ATRNL1: variants seen among roughly 807,000 people sequenced by gnomAD.
ATRNL1 encodes attractin-like protein 1.
Under a neutral mutation model 182.7 loss-of-function variants are expected in ATRNL1, and 95 were observed. The observed-to-expected ratio is 0.52, with a 90% CI of 0.44 to 0.62. The LOEUF (loss-of-function observed/expected upper bound fraction) is 0.62, where lower values mean the gene tolerates loss of function less well. Ranked by LOEUF, ATRNL1 falls within the 20% of genes least tolerant of loss-of-function variation. The pLI is 0.00. For synonymous variants in ATRNL1, 576 were observed against 568.3 expected (o/e 1.01, Z -0.19); for missense variants, 1,471 against 1,679.5 (o/e 0.88, Z 2.17).
chr10:115,573,276 G>A (rs572435238), intron 26 of ATRNL1, among the ~76,000 whole-genome samples: 81 of 152,160 alleles, frequency 5.3e-4, no homozygotes, highest in African/African-American at 1.9e-3. Context: ...CCTAGTGGCC[G>A]GACTCTTTCC....
intron 20 of ATRNL1, among the ~76,000 whole-genome samples, chr10:115,416,389 T>C (rs1296919669): frequency 2.0e-5 from 3 of 152,150 alleles, no homozygotes; most frequent in African/African-American, 7.2e-5. Context: ...TTTTAATACA[T>C]TCAAAATTAT....
intron 13 of ATRNL1, among the ~76,000 whole-genome samples, chr10:115,273,948 G>C (rs1275397560): frequency 6.6e-6 from 1 of 152,178 alleles, no homozygotes; most frequent in Non-Finnish European, 1.5e-5. Context: ...ATAACACCCA[G>C]TTCATGATGG....
intron 1 of ATRNL1, among the ~76,000 whole-genome samples, chr10:115,112,428 A>G (rs1844297474): frequency 6.6e-6 from 1 of 152,206 alleles, no homozygotes; most frequent in Non-Finnish European, 1.5e-5. Flanking sequence ...CGTGGATTTC[A>G]AATTTTTTTT....
chr10:115,504,817 C>T (rs146269848), intron 24 of ATRNL1, among the ~76,000 whole-genome samples: 1 of 151,862 alleles, frequency 6.6e-6, no homozygotes, highest in Admixed American at 6.6e-5. Context: ...AATTAGAGAT[C>T]TTTTATATAT....
chr10:115,430,770 A>C (rs1846121722), intron 21 of ATRNL1, among the ~76,000 whole-genome samples: 1 of 152,152 alleles, frequency 6.6e-6, no homozygotes, highest in African/African-American at 2.4e-5. Flanking sequence ...CACATTTGAT[A>C]GGGTATGGAG....
chr10:115,778,732 A>G (rs1949190814), intron 27 of ATRNL1, among the ~76,000 whole-genome samples: 1 of 152,178 alleles, frequency 6.6e-6, no homozygotes, highest in Admixed American at 6.5e-5. Flanking sequence ...TTATGACCTG[A>G]GGAATGAAAA....
chr10:115,410,176 T>C (rs1172226628), intron 20 of ATRNL1, among the ~76,000 whole-genome samples: 9 of 152,108 alleles, frequency 5.9e-5, no homozygotes, highest in African/African-American at 1.9e-4. Context: ...TATTAGCCTA[T>C]AGTTTTCTTT....
intron 15 of ATRNL1, 77 bp from the exon 16 acceptor site, chr10:115,299,957 G>C (rs1853392667): frequency 6.9e-6 from 7 of 1,019,830 alleles, no homozygotes; most frequent in African/African-American, 1.6e-5. Flanking sequence ...TTTAATGATA[G>C]TGAACTATTT....
intron 26 of ATRNL1, among the ~76,000 whole-genome samples, chr10:115,562,498 G>A (rs1853816969): frequency 6.6e-6 from 1 of 152,136 alleles, no homozygotes; most frequent in Admixed American, 6.5e-5. Context: ...AAGCTTCTTT[G>A]TTGAAATGGT....
chr10:115,813,315 C>A (rs1950090654), intron 27 of ATRNL1, among the ~76,000 whole-genome samples: 2 of 152,078 alleles, frequency 1.3e-5, no homozygotes, highest in South Asian at 4.1e-4. Flanking sequence ...TATGTATAGT[C>A]TGTCCAACTA....
chr10:115,100,676 G>A (rs978069722), intron 1 of ATRNL1, among the ~76,000 whole-genome samples: 21 of 152,076 alleles, frequency 1.4e-4, no homozygotes, highest in Non-Finnish European at 5.9e-5. Context: ...AATTCTGGGA[G>A]TGTTTTTCAG....
chr10:115,940,012 C>G (rs181726963), intron 28 of ATRNL1, among the ~76,000 whole-genome samples: 223 of 152,192 alleles, frequency 1.5e-3, no homozygotes, highest in African/African-American at 5.0e-3. Flanking sequence ...GAAAATAAAC[C>G]AAGACCAAGC....
intron 26 of ATRNL1, among the ~76,000 whole-genome samples, chr10:115,716,038 C>T (rs1036131801): frequency 3.3e-5 from 5 of 152,206 alleles, no homozygotes; most frequent in Admixed American, 3.3e-4. Context: ...TATGCTACAT[C>T]AAACTGCCCT....
chr10:115,287,541 A>AT (rs369297159), intron 15 of ATRNL1, among the ~76,000 whole-genome samples: 4 of 151,950 alleles, frequency 2.6e-5, no homozygotes, highest in East Asian at 1.9e-4. Context: ...TGGTAAGTAC[A>AT]TTTTTTTGTT....
At chr10:115,372,791 G>A (rs1338246023) in intron 19 of ATRNL1, among the ~76,000 whole-genome samples, 5 of 152,066 alleles carry the variant, frequency 3.3e-5, no homozygotes, top group Non-Finnish European at 5.9e-5. Flanking sequence ...AGTTTATTTT[G>A]AGATAAGATA....
intron 26 of ATRNL1, among the ~76,000 whole-genome samples, chr10:115,571,347 T>G (rs1222094764): frequency 1.3e-5 from 2 of 152,182 alleles, no homozygotes; most frequent in Non-Finnish European, 2.9e-5. Flanking sequence ...TGCCACACAT[T>G]TAAATATTTG....
At chr10:115,147,109 C>T (rs149620446) in intron 5 of ATRNL1, among the ~76,000 whole-genome samples, 2 of 152,124 alleles carry the variant, frequency 1.3e-5, no homozygotes, top group Non-Finnish European at 2.9e-5. Context: ...TTAAGAGTTC[C>T]CTTTTCTGTG....
chr10:115,646,788 G>A (rs1185834107), intron 26 of ATRNL1, among the ~76,000 whole-genome samples: 1 of 151,720 alleles, frequency 6.6e-6, no homozygotes, highest in Non-Finnish European at 1.5e-5. Flanking sequence ...TCACTAAATA[G>A]CATGTATGAA....
intron 17 of ATRNL1, among the ~76,000 whole-genome samples, chr10:115,313,404 T>C (rs964326651): frequency 6.6e-6 from 1 of 152,130 alleles, no homozygotes; most frequent in Non-Finnish European, 1.5e-5. Flanking sequence ...TCTGTATGAG[T>C]TCCTTGGTCA....
Sources: gnomAD v4.1 joint callset for allele counts (sites outside exome capture counted in the v4.1 genomes callset) on GRCh38, gnomAD v4.1.1 for gene constraint, MANE v1.5 for transcripts, NCBI Gene and HGNC (gene_info 2026-07-23, HGNC 2026-07-21) for gene names.